Variants in KMT2A observed in about 807,000 individuals in gnomAD.
KMT2A encodes lysine methyltransferase 2A.
KMT2A carries 16 observed loss-of-function variants against 345.3 expected under a neutral mutation model. That is an observed-to-expected ratio of 0.05 (90% CI 0.03 to 0.07). KMT2A has a LOEUF of 0.07. Among genes scored for constraint, KMT2A ranks in the 10% least tolerant of loss-of-function variants. KMT2A has a pLI of 1.00. For missense variants in KMT2A, 3,272 were observed against 4,841.6 expected (o/e 0.68, Z 9.62); for synonymous variants, 1,599 against 1,778.6 (o/e 0.90, Z 2.54).
In KMT2A at chr11:118,520,789, T is replaced by C. The variant is rs1950949131; in HGVS notation, c.11430-13T>C. ...CTGAAAAAAATTCGTTAATAGTATG[T>C]CTTATCTCTTAGGAGGGCAACTAGC... On this transcript the variant is annotated splice_polypyrimidine_tract_variant and intron_variant, in intron 33 of 35. Coordinates refer to ENST00000534358, the MANE Select transcript of KMT2A (RefSeq NM_001197104.2). The surrounding 1 kb of genome is among the most constrained non-coding windows in gnomAD (Gnocchi z 4.3). The C allele has an allele frequency of 6.2e-7, 1 of 1,608,510 alleles. No individual in the cohort carries two copies. The highest frequency in any genetic ancestry group is 1.3e-5 in the African/African-American group (1 of 74,760).
rs1326800289 is a variant in KMT2A at position 118,490,883 on chromosome 11, C to A, written c.4697-313C>A. On this transcript the variant is annotated intron_variant, in intron 13 of 35. Coordinates refer to ENST00000534358, the MANE Select transcript of KMT2A (RefSeq NM_001197104.2). This position sits in a 1 kb window ranked among gnomAD's most constrained non-coding sequence, Gnocchi z 4.2. ...CTTTTAAATATTTAAATATTTCTTA[C>A]AAATGTGTGAGAAACTTCTCTCTTC... Among the ~76,000 whole-genome samples, 2 of 152,122 alleles carry A rather than the reference C, an allele frequency of 1.3e-5. No individual in the cohort carries two copies. Among genetic ancestry groups the A allele is most frequent in the African/African-American group, 4.8e-5 (2 of 41,432 alleles).
At chr11:118,475,474 A>G (rs1287128836) in intron 3 of KMT2A, among the ~76,000 whole-genome samples, 1 of 152,242 alleles carries the variant, frequency 6.6e-6, no homozygotes, top group Non-Finnish European at 1.5e-5. Context: ...CTGTAATCCC[A>G]GCACTTTGGG....
chr11:118,519,277 G>A, intron 31 of KMT2A: 1 of 193,378 alleles, frequency 5.2e-6, no homozygotes, highest in Non-Finnish European at 1.1e-5. Context: ...TGAAAATGAA[G>A]CTAGTAATTC....
rs782561563 is a variant in KMT2A at position 118,519,670 on chromosome 11, C to T, written c.11199C>T (p.Leu3733=). 1.9e-6 allele frequency: 3 copies of T among 1,614,028 alleles called. No homozygotes were observed. Among genetic ancestry groups the T allele is most frequent in the African/African-American group, 2.7e-5 (2 of 74,912 alleles). The change falls in exon 32 of 36, where the codon CTC becomes CTT. Residue 3733 remains leucine, a synonymous_variant. Transcript: ENST00000534358. ...TTCTCCATGATGCAGTTGTGTTCCT[C>T]ATTGAGCAGCTGTCTGGTGCCAAGC... The part of the protein sequence containing the change: ...LGILHDAVVF[L]IEQLSGAKHC...
intron 1 of KMT2A, chr11:118,450,697 C>G (rs1949518037): frequency 1.3e-5 from 2 of 152,200 alleles, no homozygotes; most frequent in Admixed American, 6.5e-5. Flanking sequence ...CAGTTTCAAT[C>G]TCTTCCTATC....
chr11:118,472,660 G>A lies in KMT2A; in HGVS notation c.1501G>A (p.Glu501Lys), dbSNP rs1227187481. ...QASEEIQVLP[E>K]ERSDTPEVHP... is the part of the protein sequence containing the mutation. ...TTCTGAGGAGATTCAGGTACTTCCT[G>A]AGGAGCGGAGCGATACCCCTGAAGT... The change falls in exon 3 of 36, where the codon GAG (glutamate) becomes AAG (lysine). Residue 501 changes from glutamate to lysine, a missense_variant. Coordinates refer to ENST00000534358, the MANE Select transcript of KMT2A (RefSeq NM_001197104.2). 3 of 1,612,938 alleles carry A rather than the reference G, an allele frequency of 1.9e-6. No individual in the cohort carries two copies. Among genetic ancestry groups the A allele is most frequent in the Non-Finnish European group, 2.5e-6 (3 of 1,179,810 alleles).
intron 1 of KMT2A, 71 bp downstream of exon 1, chr11:118,437,015 G>A (rs1949199886): frequency 7.4e-7 from 1 of 1,352,626 alleles, no homozygotes. Flanking sequence ...CCCCCATCCG[G>A]GATTGAGGAG....
chr11:118,475,215 G>C, intron 3 of KMT2A, among the ~76,000 whole-genome samples: 1 of 151,980 alleles, frequency 6.6e-6, no homozygotes. Flanking sequence ...ATAGAATTCA[G>C]TTAGTTAAGA....
chr11:118,523,033 C>A lies in KMT2A; in HGVS notation c.*861C>A. The A allele has an allele frequency of 4.5e-6, 1 of 220,382 alleles. No homozygotes were observed. The highest frequency in any genetic ancestry group is 9.1e-6 in the Non-Finnish European group (1 of 109,774). 13.7% of individuals were successfully genotyped at this position (220,382 alleles called of 1,614,324 possible). A position where few individuals can be genotyped will look rare whatever the true frequency, so the allele number is the denominator to read the frequency against. On this transcript the variant is annotated 3_prime_UTR_variant, in exon 36 of 36. Transcript: ENST00000534358. Reference sequence around the variant, plus strand: ...AAAGTTCCCTGAGCCTGTAAGCACTCCAGGTGGGGAAGTGGACAGGAGCCA... The same window carrying A: ...AAAGTTCCCTGAGCCTGTAAGCACTACAGGTGGGGAAGTGGACAGGAGCCA...
chr11:118,452,102 C>T (rs985873083), intron 1 of KMT2A, among the ~76,000 whole-genome samples: 4 of 152,094 alleles, frequency 2.6e-5, no homozygotes, highest in Admixed American at 6.6e-5. Flanking sequence ...TGTTCACAGG[C>T]ATAATCATCA....
chr11:118,447,601 C>T, intron 1 of KMT2A: 1 of 449,006 alleles, frequency 2.2e-6, no homozygotes, highest in Non-Finnish European at 4.5e-6. Flanking sequence ...CATCCCCTTA[C>T]TTGAGTGTTG....
chr11:118,519,144 A>G (rs1555052619), intron 31 of KMT2A, among the ~76,000 whole-genome samples: 2 of 151,436 alleles, frequency 1.3e-5, no homozygotes, highest in Non-Finnish European at 2.9e-5. Flanking sequence ...ATAAGCTTAT[A>G]GAACCTAGAT....
rs781805661 is a variant in KMT2A, at chr11:118,498,526, G to A, written c.5959G>A (p.Glu1987Lys). ...ACGACATCGGGATTTGATCAAAGGC[G>A]AAGTGAGAGAGCTTTAGTTGCTTTA... ...CQRHRDLIKG[E>K]VVPENGFEVF... Residue 1987 changes from glutamate to lysine, a missense_variant and splice_region_variant, in exon 22 of 36, where the codon GAA (glutamate) becomes AAA (lysine). Glu to Lys is a moderately conservative substitution (Grantham distance 56, BLOSUM62 1). Around this residue, in one of 27 missense-constraint regions of KMT2A, gnomAD observed 235 missense variants for 503.4 expected, o/e 0.47. Coordinates refer to ENST00000534358, the MANE Select transcript of KMT2A (RefSeq NM_001197104.2). The surrounding 1 kb of genome is among the most constrained non-coding windows in gnomAD (Gnocchi z 4.4). 2.5e-6 allele frequency: 4 copies of A among 1,596,574 alleles called. No individual in the cohort carries two copies. The highest frequency in any genetic ancestry group is 3.4e-6 in the Non-Finnish European group (4 of 1,173,678).
chr11:118,502,387 C>T lies in KMT2A; in HGVS notation c.6506-11C>T, dbSNP rs1555045967. On this transcript the variant is annotated splice_polypyrimidine_tract_variant and intron_variant, in intron 26 of 35. Coordinates refer to ENST00000534358, the MANE Select transcript of KMT2A (RefSeq NM_001197104.2). This position sits in a 1 kb window ranked among gnomAD's most constrained non-coding sequence, Gnocchi z 4.9. The stretch of plus-strand genomic sequence containing the variant: ...TACAATAGCATTTATTACTTTTTCT[C>T]TCTTGTTTAGGAAGTCCTACCCCAA... 6 of 1,555,404 alleles carry T rather than the reference C, an allele frequency of 3.9e-6. No individual in the cohort carries two copies. Among genetic ancestry groups the T allele is most frequent in the Middle Eastern group, 1.7e-4 (1 of 5,772 alleles).
chr11:118,489,175 C>G (rs1555041792), intron 11 of KMT2A, among the ~76,000 whole-genome samples: 1 of 148,652 alleles, frequency 6.7e-6, no homozygotes, highest in Admixed American at 6.8e-5. Flanking sequence ...GTGAGCCACT[C>G]CAGCCTGTGG....
chr11:118,480,307 G>T, intron 6 of KMT2A, 69 bp downstream of exon 6: 6 of 1,156,912 alleles, frequency 5.2e-6, no homozygotes, highest in Non-Finnish European at 6.4e-6. Flanking sequence ...TATACACCCA[G>T]TAGAAGAGAA....
At chr11:118,480,294 T>TTTA in intron 6 of KMT2A, 56 bp downstream of exon 6, 1 of 1,264,716 alleles carries the variant, frequency 7.9e-7, no homozygotes, top group Non-Finnish European at 1.2e-6. Context: ...TGGTGTATAG[T>TTTA]TGTATACACC....
intron 25 of KMT2A, 96 bp from the exon 26 acceptor site, chr11:118,501,576 G>T: frequency 9.4e-7 from 1 of 1,063,436 alleles, no homozygotes; most frequent in Non-Finnish European, 1.4e-6. Context: ...TTTGCTTCTA[G>T]TTTTACATTT....
At chr11:118,483,530 C>A (rs967604235) in intron 8 of KMT2A, among the ~76,000 whole-genome samples, 15 of 150,782 alleles carry the variant, frequency 9.9e-5, no homozygotes, top group Admixed American at 7.9e-4. Context: ...GACTCCGTCT[C>A]AAAAAAAAAT....
Sources: allele counts gnomAD v4.1 joint callset (sites outside exome capture counted in the v4.1 genomes callset), GRCh38; gene constraint gnomAD v4.1.1; regional missense constraint gnomAD v4.1.1; non-coding constraint Gnocchi (gnomAD v3.1); transcripts MANE v1.5; gene names NCBI Gene and HGNC (gene_info 2026-07-23, HGNC 2026-07-21).